TGFBR3: variants seen among roughly 807,000 people sequenced by gnomAD.
The protein encoded by TGFBR3 is transforming growth factor beta receptor 3.
A neutral mutation model predicts 87.9 loss-of-function variants in TGFBR3; 46 were observed. The observed-to-expected ratio is 0.52, with a 90% CI of 0.41 to 0.67. The LOEUF is 0.67. Ranked by LOEUF, TGFBR3 falls within the 30% of genes least tolerant of loss-of-function variation. The probability of loss-of-function intolerance (pLI) is 0.00; values close to 1 mark genes in which losing one functional copy is unlikely to be tolerated. For missense variants in TGFBR3, 866 were observed against 1,041.9 expected, an observed-to-expected ratio of 0.83 and a Z score of 2.32; for synonymous variants, 381 against 391.6, an observed-to-expected ratio of 0.97 and a Z score of 0.32.
intron 2 of TGFBR3, among the ~76,000 whole-genome samples, chr1:91,897,966 T>C (rs2101343852): frequency 6.6e-6 from 1 of 151,862 alleles, no homozygotes; most frequent in Middle Eastern, 3.4e-3. Flanking sequence ...GGCAGGAAGA[T>C]TGCTTGAGCC....
intron 3 of TGFBR3, among the ~76,000 whole-genome samples, chr1:91,763,117 GA>G (rs1674034448): frequency 6.6e-6 from 1 of 152,346 alleles, no homozygotes; most frequent in African/African-American, 2.4e-5. Flanking sequence ...ATTACAGGAA[GA>G]GGGGGAAACC....
At chr1:91,857,306 A>G (rs1005515711) in intron 2 of TGFBR3, among the ~76,000 whole-genome samples, 3 of 152,090 alleles carry the variant, frequency 2.0e-5, no homozygotes, top group African/African-American at 4.8e-5. Flanking sequence ...TTCTTTCCAA[A>G]TAGACCTCCT....
intron 16 of TGFBR3, among the ~76,000 whole-genome samples, 164 bp from the exon 17 acceptor site, chr1:91,684,021 A>C (rs1671007619): frequency 6.6e-6 from 1 of 152,228 alleles, no homozygotes; most frequent in South Asian, 2.1e-4. Context: ...ACCTTCTAAA[A>C]TAAGGTTTTG....
At position 91,729,861 on chromosome 1, in the gene TGFBR3, G is replaced by T. The variant is rs17879403; in HGVS notation, c.681C>A (p.Pro227=). 13 of 1,614,132 alleles carry T rather than the reference G, an allele frequency of 8.1e-6. No homozygotes were observed. The South Asian group carries it at 1.4e-4, about 18-fold the overall frequency. ...CGATGATGTGTACTTCCTCATTCTG[G>T]GGCTGGCTGGACATCACACACCCTT... ...AAEGCVMSSQ[P]QNEEVHIIEL... Residue 227 remains proline, a synonymous_variant, in exon 6 of 17, where the codon CCC becomes CCA. Transcript: ENST00000212355.
At chr1:91,845,610 T>C (rs1677439049) in intron 2 of TGFBR3, among the ~76,000 whole-genome samples, 1 of 152,254 alleles carries the variant, frequency 6.6e-6, no homozygotes. Context: ...GTTATCATTC[T>C]ATATGTCAAA....
At position 91,712,504 on chromosome 1, in the gene TGFBR3, G is replaced by A. The variant is rs758170516; in HGVS notation, c.1905C>T (p.Ala635=). 4.3e-6 allele frequency: 7 copies of A among 1,614,022 alleles called. No individual in the cohort carries two copies. The highest frequency in any genetic ancestry group is 4.2e-6 in the Non-Finnish European group (5 of 1,180,036). ...VTKAEQELGF[A]IQTCFISPYS... The stretch of plus-strand genomic sequence containing the variant: ...ATGGAGAGATAAAGCACGTTTGGAT[G>A]GCAAATCCCAGTTCTTGTTCAGCCT... Residue 635 remains alanine (A), a synonymous_variant, in exon 13 of 17, where the codon GCC becomes GCT. Transcript: ENST00000212355.
intron 1 of TGFBR3, among the ~76,000 whole-genome samples, chr1:91,871,171 A>G (rs1678569836): frequency 6.6e-6 from 1 of 152,218 alleles, no homozygotes; most frequent in Non-Finnish European, 1.5e-5. Flanking sequence ...GATCCTCCAG[A>G]AACAGCTGAC....
Position 91,716,413 on chromosome 1 carries a change from A to G in TGFBR3, c.1708-19T>C, listed in dbSNP as rs964779555. 1.2e-6 allele frequency: 2 copies of G among 1,614,082 alleles called. No homozygotes were observed. Among genetic ancestry groups the G allele is most frequent in the Non-Finnish European group, 1.7e-6 (2 of 1,180,022 alleles). Reference sequence around the variant, plus strand: ...AATTAAACTGGAAATAACAACCCACAGGAAGATTAATGACAGTCATATGAA... The same window carrying G: ...AATTAAACTGGAAATAACAACCCACGGGAAGATTAATGACAGTCATATGAA... On this transcript the variant is annotated intron_variant, in intron 11 of 16. Coordinates refer to ENST00000212355, the MANE Select transcript of TGFBR3 (RefSeq NM_003243.5).
intron 1 of TGFBR3, among the ~76,000 whole-genome samples, chr1:91,878,816 A>T (rs1678960454): frequency 6.6e-6 from 1 of 152,254 alleles, no homozygotes; most frequent in East Asian, 1.9e-4. Context: ...ACAGAAAAGC[A>T]GGTGTTTCGT....
intron 1 of TGFBR3, among the ~76,000 whole-genome samples, chr1:91,885,526 C>A (rs963008709): frequency 6.6e-6 from 1 of 152,202 alleles, no homozygotes; most frequent in African/African-American, 2.4e-5. Flanking sequence ...GAAGCTGTCA[C>A]GCGCCCGGAG....
chr1:91,850,101 A>AG lies in TGFBR3; in HGVS notation c.61+11369_61+11370insC, dbSNP rs1335371927. Among the ~76,000 whole-genome samples, 927 of 138,016 alleles carry AG rather than the reference A, an allele frequency of 6.7e-3. 2 individuals carry two copies. The highest frequency in any genetic ancestry group is 0.012 in the Non-Finnish European group (761 of 64,650). 90.5% of individuals were successfully genotyped at this position (138,016 alleles called of 152,430 possible). A position where few individuals can be genotyped will look rare whatever the true frequency, so the allele number is the denominator to read the frequency against. ...ATCTCAAAAAAAAAAAAAAAAAAAA[A>AG]AAAGAAAGAAAAAGAAAAAAATGAA... On this transcript the variant is annotated intron_variant, in intron 2 of 16. Coordinates refer to ENST00000212355, the MANE Select transcript of TGFBR3 (RefSeq NM_003243.5).
At chr1:91,829,222 AAAT>A (rs1162704115) in intron 2 of TGFBR3, among the ~76,000 whole-genome samples, 2 of 152,010 alleles carry the variant, frequency 1.3e-5, no homozygotes, top group Non-Finnish European at 2.9e-5. Flanking sequence ...CTAAAAATAC[AAAT>A]ATTAGCCAGG....
intron 4 of TGFBR3, among the ~76,000 whole-genome samples, chr1:91,744,086 CT>C (rs144888223): frequency 0.14 from 18,825 of 135,670 alleles, 1,114 homozygotes; most frequent in South Asian, 0.25. Context: ...ATTTTACTTA[CT>C]TTTTTTTTTT....
intron 16 of TGFBR3, among the ~76,000 whole-genome samples, chr1:91,690,394 A>T (rs1410289328): frequency 6.6e-6 from 1 of 152,078 alleles, no homozygotes. Flanking sequence ...ACCACATTCA[A>T]AAGGGGGGGA....
chr1:91,736,985 G>T (rs143567021), intron 4 of TGFBR3, among the ~76,000 whole-genome samples: 49 of 152,326 alleles, frequency 3.2e-4, no homozygotes, highest in Admixed American at 5.9e-4. Context: ...AAATACAGAA[G>T]ATATCAACGG....
intron 8 of TGFBR3, among the ~76,000 whole-genome samples, chr1:91,720,686 G>A (rs1235423293): frequency 6.6e-6 from 1 of 152,198 alleles, no homozygotes; most frequent in Admixed American, 6.5e-5. Flanking sequence ...CAATGGAACA[G>A]ACAGTTTCTA....
Position 91,893,344 on chromosome 1 carries a change from G to A in TGFBR3, c.-114+6293C>T, listed in dbSNP as rs891171852. Among the ~76,000 whole-genome samples the A allele has an allele frequency of 5.9e-5, 9 of 152,048 alleles. 1 individual carries two copies. The highest frequency in any genetic ancestry group is 3.9e-4 in the Admixed American group (6 of 15,260). ...TCTGTCGCCAGGCTACAGTACAGTG[G>A]CGTGATCTCGGCCCACTACAACCTT... On this transcript the variant is annotated intron_variant, in intron 2 of 17. Coordinates refer to the TGFBR3 transcript ENST00000370399.
chr1:91,835,719 T>C (rs1158597501), intron 2 of TGFBR3, among the ~76,000 whole-genome samples: 1 of 146,988 alleles, frequency 6.8e-6, no homozygotes, highest in Non-Finnish European at 1.5e-5. Flanking sequence ...TCCCAGCTAC[T>C]GGGGAGGCTG....
chr1:91,683,744 C>A lies in TGFBR3; in HGVS notation c.2551G>T (p.Ala851Ser). 3 of 1,567,114 alleles carry A rather than the reference C, an allele frequency of 1.9e-6. No homozygotes were observed. Among genetic ancestry groups the A allele is most frequent in the Non-Finnish European group, 2.6e-6 (3 of 1,161,434 alleles). The change falls in exon 17 of 17, where the codon GCC (alanine) becomes TCC (serine). Residue 851 changes from alanine (A) to serine (S), a missense_variant. Transcript: ENST00000212355. ...CCGGGTTGGGCTGGGTTGGGCTAGG[C>A]CGTGCTGCTGCTGGAGCAAGGCGTG... is the stretch of plus-strand genomic sequence containing the variant. ...QSTPCSSSSTA is the reference protein window; with the variant it reads ...QSTPCSSSSTS
Sources: allele counts gnomAD v4.1 joint callset (sites outside exome capture counted in the v4.1 genomes callset), GRCh38; gene constraint gnomAD v4.1.1; transcripts MANE v1.5; gene names NCBI Gene and HGNC (gene_info 2026-07-23, HGNC 2026-07-21).